The following LAMA2 variants were observed in gnomAD, a reference collection of about 807,000 sequenced individuals.
The protein encoded by LAMA2 is laminin subunit alpha 2.
LAMA2 carries 269 observed loss-of-function variants against 364.8 expected under a neutral mutation model. The ratio of observed to expected loss-of-function variants is 0.74; its 90% CI spans 0.67 to 0.82. The LOEUF (loss-of-function observed/expected upper bound fraction) is 0.82. Ranked by LOEUF, LAMA2 falls within the 40% of genes least tolerant of loss-of-function variation. The probability of loss-of-function intolerance (pLI) is 0.00; values close to 1 mark genes in which losing one functional copy is unlikely to be tolerated. For synonymous variants in LAMA2, 1,379 were observed against 1,370.6 expected (o/e 1.01, Z -0.14); for missense variants, 3,807 against 3,873.2 (o/e 0.98, Z 0.45).
intron 1 of LAMA2, among the ~76,000 whole-genome samples, chr6:128,909,583 T>G (rs2114448755): frequency 6.7e-6 from 1 of 148,748 alleles, no homozygotes; most frequent in Non-Finnish European, 1.5e-5. Flanking sequence ...GTCTTGACTC[T>G]TTATCCAATT....
At chr6:129,314,596 G>T (rs570210214) in intron 23 of LAMA2, 59 bp from the exon 24 acceptor site, 36 of 1,541,018 alleles carry the variant, frequency 2.3e-5, no homozygotes, top group Non-Finnish European at 3.0e-5. Flanking sequence ...GCATTCTCAG[G>T]GTGATTTCTC....
chr6:128,928,442 A>G (rs191789953), intron 1 of LAMA2, among the ~76,000 whole-genome samples: 25 of 152,220 alleles, frequency 1.6e-4, no homozygotes, highest in Admixed American at 1.3e-4. Context: ...TATTTCAACA[A>G]AATGTTTATA....
chr6:129,078,424 T>G (rs1190053951), intron 3 of LAMA2, among the ~76,000 whole-genome samples: 1 of 152,104 alleles, frequency 6.6e-6, no homozygotes, highest in Non-Finnish European at 1.5e-5. Context: ...TATGAGCCAC[T>G]GCACCTGGCC....
intron 17 of LAMA2, among the ~76,000 whole-genome samples, chr6:129,274,956 AT>A (rs879474659): frequency 7.2e-5 from 11 of 152,020 alleles, no homozygotes; most frequent in African/African-American, 2.4e-4. Context: ...CAGTTATATA[AT>A]AAAATATATT....
At chr6:129,366,401 T>C (rs1290232461) in intron 33 of LAMA2, 40 bp downstream of exon 33, 17 of 1,609,766 alleles carry the variant, frequency 1.1e-5, no homozygotes, top group Non-Finnish European at 1.4e-5. Flanking sequence ...AGGGACAAGG[T>C]GACAGAAGCT....
chr6:129,287,166 A>G (rs1334326062), intron 18 of LAMA2, among the ~76,000 whole-genome samples: 1 of 150,150 alleles, frequency 6.7e-6, no homozygotes, highest in African/African-American at 2.5e-5. Flanking sequence ...GGAGTTTGCT[A>G]ATAGAGTTGG....
intron 17 of LAMA2, among the ~76,000 whole-genome samples, chr6:129,273,238 G>A (rs145046397): frequency 3.3e-5 from 5 of 152,264 alleles, no homozygotes; most frequent in African/African-American, 1.2e-4. Flanking sequence ...ATCACCCAAT[G>A]GAAGACCTAC....
chr6:129,149,102 T>C lies in LAMA2; in HGVS notation c.1027+6T>C. On this transcript the variant is annotated splice_donor_region_variant and intron_variant, in intron 7 of 64. Coordinates refer to ENST00000421865, the MANE Select transcript of LAMA2 (RefSeq NM_000426.4). ...AACTAAAACTGAATGTGAAGGTATG[T>C]TCTTTAGAAGCCAACAAAATATGTC... 1 of 1,533,296 alleles carries C rather than the reference T, an allele frequency of 6.5e-7. No homozygotes were observed. 95.0% of individuals were successfully genotyped at this position (1,533,296 alleles called of 1,614,324 possible). A position where few individuals can be genotyped will look rare whatever the true frequency, so the allele number is the denominator to read the frequency against.
intron 3 of LAMA2, among the ~76,000 whole-genome samples, chr6:129,087,653 A>G (rs1774458705): frequency 9.2e-5 from 14 of 152,168 alleles, no homozygotes; most frequent in Admixed American, 9.2e-4. Flanking sequence ...CACTTTAAAG[A>G]TAAGGATGAT....
chr6:128,968,274 T>C (rs1781975937), intron 1 of LAMA2, among the ~76,000 whole-genome samples: 2 of 152,204 alleles, frequency 1.3e-5, no homozygotes, highest in African/African-American at 4.8e-5. Context: ...CTAACACTTA[T>C]TCATGTCACT....
At chr6:129,257,066 G>A (rs1275407242) in intron 14 of LAMA2, among the ~76,000 whole-genome samples, 1 of 151,720 alleles carries the variant, frequency 6.6e-6, no homozygotes, top group Non-Finnish European at 1.5e-5. Flanking sequence ...AAAAATAAGA[G>A]GGAAGAGTCA....
At chr6:129,008,596 A>AAGC (rs1386837315) in intron 1 of LAMA2, among the ~76,000 whole-genome samples, 1 of 152,194 alleles carries the variant, frequency 6.6e-6, no homozygotes, top group African/African-American at 2.4e-5. Context: ...TAGGGTCTCA[A>AAGC]AGCAGTCATT....
chr6:129,312,975 C>T lies in LAMA2; in HGVS notation c.3289C>T (p.His1097Tyr), dbSNP rs763958524. Residue 1097 changes from histidine to tyrosine, a missense_variant, in exon 23 of 65, where the codon CAC becomes TAC. By Grantham distance (83) the His-to-Tyr change is moderately conservative. This residue lies in a region of LAMA2 where 3,333 missense variants were observed against 3,345.7 expected (regional missense o/e 1.00). Coordinates refer to ENST00000421865, the MANE Select transcript of LAMA2 (RefSeq NM_000426.4). ...AAAATGTACAGAGTGCAGTCGAGGT[C>T]ACTGGAACTACCCTCGCTGCAATCT... is the stretch of plus-strand genomic sequence containing the variant. ...GAKCTECSRGHWNYPRCNLCD... is the reference protein window; with the variant it reads ...GAKCTECSRGYWNYPRCNLCD... 1.2e-6 allele frequency: 2 copies of T among 1,614,012 alleles called. No homozygotes were observed. The highest frequency in any genetic ancestry group is 1.7e-6 in the Non-Finnish European group (2 of 1,179,874).
chr6:129,074,215 C>T (rs1237774215), intron 3 of LAMA2, among the ~76,000 whole-genome samples: 3 of 152,180 alleles, frequency 2.0e-5, no homozygotes, highest in African/African-American at 7.2e-5. Flanking sequence ...CTTAGTTTTT[C>T]ACTTCTCATG....
intron 12 of LAMA2, among the ~76,000 whole-genome samples, chr6:129,228,264 C>T (rs927920250): frequency 6.6e-6 from 1 of 152,150 alleles, no homozygotes; most frequent in Admixed American, 6.5e-5. Context: ...AATTTCCTGA[C>T]CCCTTGTGCT....
chr6:129,478,401 C>T (rs1784186668), intron 53 of LAMA2, among the ~76,000 whole-genome samples: 1 of 152,094 alleles, frequency 6.6e-6, no homozygotes, highest in Non-Finnish European at 1.5e-5. Context: ...ACATATAAAG[C>T]ATCAATAAGA....
At chr6:128,941,993 T>C (rs977393278) in intron 1 of LAMA2, among the ~76,000 whole-genome samples, 2 of 152,154 alleles carry the variant, frequency 1.3e-5, no homozygotes, top group Non-Finnish European at 2.9e-5. Context: ...GTGTTCAAAA[T>C]GCTCCACCAC....
chr6:129,250,338 A>C (rs1786087277), intron 13 of LAMA2, 125 bp downstream of exon 13: 1 of 694,150 alleles, frequency 1.4e-6, no homozygotes, highest in Non-Finnish European at 2.6e-6. Context: ...AATATACCTT[A>C]GGAGATTTTT....
chr6:128,958,549 A>G (rs1029219179), intron 1 of LAMA2, among the ~76,000 whole-genome samples: 13 of 152,062 alleles, frequency 8.5e-5, no homozygotes, highest in African/African-American at 2.9e-4. Context: ...TCTGATATTT[A>G]TATTTATTCT....
Sources: allele counts gnomAD v4.1 joint callset (sites outside exome capture counted in the v4.1 genomes callset), GRCh38; gene constraint gnomAD v4.1.1; regional missense constraint gnomAD v4.1.1; transcripts MANE v1.5; gene names NCBI Gene and HGNC (gene_info 2026-07-23, HGNC 2026-07-21).